The following CDK5RAP2 variants were observed in gnomAD, a reference collection of about 807,000 sequenced individuals.
CDK5RAP2 encodes the protein CDK5 regulatory subunit associated protein 2.
Under a neutral mutation model 232.9 loss-of-function variants are expected in CDK5RAP2, and 147 were observed. The ratio of observed to expected loss-of-function variants is 0.63; its 90% CI spans 0.55 to 0.72. The LOEUF (loss-of-function observed/expected upper bound fraction) is 0.72. Among genes scored for constraint, CDK5RAP2 ranks in the 30% least tolerant of loss-of-function variants. The pLI is 0.00. For missense variants in CDK5RAP2, 2,195 were observed against 2,231.5 expected (o/e 0.98, Z 0.33); for synonymous variants, 833 against 833.7 (o/e 1.00, Z 0.01).
chr9:120,554,380 CTGT>C (rs2042150130), intron 3 of CDK5RAP2, among the ~76,000 whole-genome samples: 1 of 152,186 alleles, frequency 6.6e-6, no homozygotes, highest in Non-Finnish European at 1.5e-5. Flanking sequence ...GTTCATGCAT[CTGT>C]TGTTCTCTTT....
At chr9:120,440,007 T>C (rs1460925088) in intron 23 of CDK5RAP2, 35 bp from the exon 24 acceptor site, 11 of 1,588,002 alleles carry the variant, frequency 6.9e-6, no homozygotes, top group Non-Finnish European at 9.5e-6. Context: ...AGTATCTCTT[T>C]TACTAAAATC....
chr9:120,500,147 G>A (rs1318015900), intron 12 of CDK5RAP2, among the ~76,000 whole-genome samples: 3 of 152,190 alleles, frequency 2.0e-5, no homozygotes, highest in Non-Finnish European at 4.4e-5. Flanking sequence ...AGTGCCTAAA[G>A]TGAAAGATAC....
intron 12 of CDK5RAP2, among the ~76,000 whole-genome samples, chr9:120,517,311 T>C (rs777723948): frequency 3.3e-5 from 5 of 152,242 alleles, no homozygotes; most frequent in Non-Finnish European, 5.9e-5. Flanking sequence ...CTTTCTTCAG[T>C]GTTAACACTG....
rs1180253636 is a variant in CDK5RAP2 at position 120,458,525 on chromosome 9, C to T, written c.2300G>A (p.Cys767Tyr). The T allele has an allele frequency of 3.1e-6, 5 of 1,614,040 alleles. No individual in the cohort carries two copies. The Admixed American group carries it at 8.3e-5, about 27-fold the overall frequency. ...GTTTATGAATGCACCTTCTTCTAGGCAGCCAGGTGCGTGGGCCCCATCACA... is the reference window on the plus strand; with the variant it reads ...GTTTATGAATGCACCTTCTTCTAGGTAGCCAGGTGCGTGGGCCCCATCACA... The part of the protein sequence containing the change: ...SDCDGAHAPG[C>Y]LEEGAFINLL... The change falls in exon 20 of 38, where the codon TGC (cysteine) becomes TAC (tyrosine). Residue 767 changes from cysteine (C) to tyrosine (Y), a missense_variant. Physicochemically the swap from Cys to Tyr is radical, Grantham distance 194 (BLOSUM62 -2). Coordinates refer to ENST00000349780, the MANE Select transcript of CDK5RAP2 (RefSeq NM_018249.6).
intron 21 of CDK5RAP2, among the ~76,000 whole-genome samples, chr9:120,448,565 T>C (rs543930495): frequency 3.9e-4 from 60 of 152,284 alleles, no homozygotes; most frequent in Non-Finnish European, 7.8e-4. Context: ...CCAGCGGATA[T>C]TTCCCAGGCT....
intron 1 of CDK5RAP2, among the ~76,000 whole-genome samples, chr9:120,575,314 A>G (rs1323049939): frequency 1.3e-5 from 2 of 152,036 alleles, no homozygotes; most frequent in Non-Finnish European, 2.9e-5. Context: ...CAGCCTCCCA[A>G]AGTGCTAGGA....
intron 4 of CDK5RAP2, among the ~76,000 whole-genome samples, chr9:120,548,618 G>A (rs1421566071): frequency 6.6e-6 from 1 of 151,846 alleles, no homozygotes; most frequent in Non-Finnish European, 1.5e-5. Context: ...ACCAGCCTTG[G>A]GCAACATAGC....
At chr9:120,508,664 G>T (rs1192018311) in intron 12 of CDK5RAP2, among the ~76,000 whole-genome samples, 1 of 152,098 alleles carries the variant, frequency 6.6e-6, no homozygotes, top group Non-Finnish European at 1.5e-5. Context: ...CTGCTACCAG[G>T]AATGCATTCC....
chr9:120,533,587 T>A (rs12115576), intron 7 of CDK5RAP2, among the ~76,000 whole-genome samples: 2,085 of 151,440 alleles, frequency 0.014, 48 homozygotes, highest in African/African-American at 0.047. Flanking sequence ...TGAGGTCAGG[T>A]GTTCAAGACC....
intron 12 of CDK5RAP2, among the ~76,000 whole-genome samples, chr9:120,496,707 C>T (rs1464142616): frequency 2.3e-5 from 3 of 131,110 alleles, no homozygotes; most frequent in Non-Finnish European, 4.7e-5. Flanking sequence ...GCCCCCTGCC[C>T]GGCCAGCCGC....
intron 1 of CDK5RAP2, among the ~76,000 whole-genome samples, chr9:120,575,737 A>G (rs980125382): frequency 6.6e-6 from 1 of 152,178 alleles, no homozygotes; most frequent in Non-Finnish European, 1.5e-5. Flanking sequence ...GAACCCGCCT[A>G]GGAGGTAATC....
At chr9:120,472,016 G>C in intron 15 of CDK5RAP2, 138 bp from the exon 16 acceptor site, 1 of 1,145,810 alleles carries the variant, frequency 8.7e-7, no homozygotes, top group Non-Finnish European at 1.3e-6. Flanking sequence ...GTTTACTATA[G>C]AGAATTTTAA....
intron 14 of CDK5RAP2, among the ~76,000 whole-genome samples, chr9:120,479,323 A>G (rs1357946204): frequency 6.6e-6 from 1 of 152,224 alleles, no homozygotes; most frequent in Non-Finnish European, 1.5e-5. Context: ...TCACAGTAAT[A>G]AATAATTCAG....
At position 120,453,459 on chromosome 9, in the gene CDK5RAP2, G is replaced by A. The variant is rs1047768010; in HGVS notation, c.2790C>T (p.Asn930=). ...ATTATTACATGGAAAAACTTACTCT[G>A]TTGGTAATACCAGGGAGGGAAAGGA... is the stretch of plus-strand genomic sequence containing the variant. The part of the protein sequence containing the change: ...AALLSLPGIT[N]REAKKSRLPI... The change falls in exon 21 of 38, where the codon AAC becomes AAT. Residue 930 remains asparagine (N), a synonymous_variant. Transcript: ENST00000349780. 1 of 1,607,894 alleles carries A rather than the reference G, an allele frequency of 6.2e-7. No homozygotes were observed. The highest frequency in any genetic ancestry group is 1.3e-5 in the African/African-American group (1 of 75,000).
At chr9:120,473,477 G>T (rs896153277) in intron 15 of CDK5RAP2, among the ~76,000 whole-genome samples, 2 of 152,202 alleles carry the variant, frequency 1.3e-5, no homozygotes, top group Admixed American at 1.3e-4. Context: ...AAGAAGCCCC[G>T]CTTCTCCTTC....
In CDK5RAP2 at chr9:120,471,782, C is replaced by T. The variant is rs2037720407; in HGVS notation, c.1824G>A (p.Leu608=). The change falls in exon 16 of 38, where the codon TTG becomes TTA. Residue 608 remains leucine (L), a synonymous_variant. Transcript: ENST00000349780. The part of the protein sequence containing the change: ...VLSYQNLRKT[L]EEQISEIRRR... ...TCCGAATTTCGCTGATCTGCTCCTC[C>T]AAGGTCTTCCGCAAATTCTGATATG... The T allele has an allele frequency of 5.6e-6, 9 of 1,613,978 alleles. No homozygotes were observed. The highest frequency in any genetic ancestry group is 1.1e-5 in the South Asian group (1 of 91,088).
chr9:120,546,336 A>C (rs1445774722), intron 4 of CDK5RAP2, among the ~76,000 whole-genome samples: 1 of 152,250 alleles, frequency 6.6e-6, no homozygotes, highest in African/African-American at 2.4e-5. Flanking sequence ...ACATGGGGCA[A>C]GCTGTCTATA....
intron 13 of CDK5RAP2, among the ~76,000 whole-genome samples, chr9:120,489,001 G>A (rs1010696834): frequency 6.6e-6 from 1 of 152,132 alleles, no homozygotes; most frequent in African/African-American, 2.4e-5. Flanking sequence ...TATACATATG[G>A]AATCATCCTA....
At chr9:120,399,854 T>G (rs1459130033) in intron 35 of CDK5RAP2, among the ~76,000 whole-genome samples, 1 of 152,152 alleles carries the variant, frequency 6.6e-6, no homozygotes, top group Non-Finnish European at 1.5e-5. Context: ...ATCCCAAAAG[T>G]GAAATCTTAG....
Sources: allele counts gnomAD v4.1 joint callset (sites outside exome capture counted in the v4.1 genomes callset), GRCh38; gene constraint gnomAD v4.1.1; transcripts MANE v1.5; gene names NCBI Gene and HGNC (gene_info 2026-07-23, HGNC 2026-07-21).